The following CPSF3 variants were observed in gnomAD, a reference collection of about 807,000 sequenced individuals.
CPSF3 encodes the protein cleavage and polyadenylation specific factor 3.
CPSF3 carries 57 observed loss-of-function variants against 84.1 expected under a neutral mutation model. That is an observed-to-expected ratio of 0.68 (90% CI 0.55 to 0.85). The LOEUF (loss-of-function observed/expected upper bound fraction) is 0.85, where lower values mean the gene tolerates loss of function less well. CPSF3 is among the 40% of genes least tolerant of loss of function. CPSF3 has a pLI of 0.00. For missense variants in CPSF3, 522 were observed against 838.8 expected, an observed-to-expected ratio of 0.62 and a Z score of 4.66; for synonymous variants, 275 against 278.1, an observed-to-expected ratio of 0.99 and a Z score of 0.11.
At chr2:9,428,311 C>T (rs1431500428) in intron 1 of CPSF3, among the ~76,000 whole-genome samples, 2 of 152,064 alleles carry the variant, frequency 1.3e-5, no homozygotes, top group Admixed American at 6.6e-5. Context: ...AAATTTAAGC[C>T]ATTTGGCAAA....
chr2:9,462,837 C>G (rs1681777190), intron 15 of CPSF3, among the ~76,000 whole-genome samples: 1 of 152,188 alleles, frequency 6.6e-6, no homozygotes, highest in African/African-American at 2.4e-5. Flanking sequence ...TCATTGCAGA[C>G]AGGTTAGAAC....
intron 16 of CPSF3, among the ~76,000 whole-genome samples, chr2:9,470,137 T>C (rs1682112076): frequency 1.3e-5 from 2 of 152,160 alleles, no homozygotes; most frequent in Non-Finnish European, 2.9e-5. Context: ...GGAGGAGAAT[T>C]GCTTAAACCA....
intron 6 of CPSF3, among the ~76,000 whole-genome samples, chr2:9,435,021 A>AT (rs35500136): frequency 1.2e-4 from 19 of 152,330 alleles, no homozygotes; most frequent in Middle Eastern, 3.4e-3. Flanking sequence ...GGGAAGATTT[A>AT]TTTTTTGAAC....
intron 5 of CPSF3, 50 bp downstream of exon 5, chr2:9,432,738 T>C: frequency 7.2e-7 from 1 of 1,392,286 alleles, no homozygotes; most frequent in Non-Finnish European, 9.5e-7. Flanking sequence ...AGTACAGAGC[T>C]TTGTGCCACC....
chr2:9,436,425 G>A (rs1000281044), intron 7 of CPSF3, 64 bp downstream of exon 7: 35 of 1,503,862 alleles, frequency 2.3e-5, no homozygotes, highest in African/African-American at 2.1e-4. Context: ...AGATAATAAT[G>A]TGGTCTTGGA....
At chr2:9,459,455 G>T in intron 14 of CPSF3, 76 bp from the exon 15 acceptor site, 2 of 851,196 alleles carry the variant, frequency 2.3e-6, no homozygotes, top group East Asian at 2.4e-5. Flanking sequence ...TCCATGGTTT[G>T]GTGGGTTGTA....
intron 15 of CPSF3, among the ~76,000 whole-genome samples, chr2:9,462,672 C>A (rs1181959058): frequency 6.6e-6 from 1 of 152,206 alleles, no homozygotes; most frequent in Admixed American, 6.5e-5. Context: ...TTGATTATTT[C>A]TCTTAATGCT....
chr2:9,452,958 G>C lies in CPSF3; in HGVS notation c.1441G>C (p.Val481Leu), dbSNP rs1681387608. The C allele has an allele frequency of 6.2e-7, 1 of 1,611,668 alleles. No individual in the cohort carries two copies. The highest frequency in any genetic ancestry group is 1.1e-5 in the South Asian group (1 of 90,202). ...CAAAAAACCAGAACAAGGCCAGCGG[G>C]TCTCAGGAATACTTGTTAAAAGAAA... Reference protein sequence around the residue: ...ADKKPEQGQRVSGILVKRNFN... With the variant: ...ADKKPEQGQRLSGILVKRNFN... The change falls in exon 12 of 18, where the codon GTC becomes CTC. Residue 481 changes from valine (V) to leucine (L), a missense_variant. Physicochemically the swap from Val to Leu is conservative, Grantham distance 32 (BLOSUM62 1). Around this residue, in one of 2 missense-constraint regions of CPSF3, gnomAD observed 329 missense variants for 607.2 expected, o/e 0.54. Coordinates refer to ENST00000238112, the MANE Select transcript of CPSF3 (RefSeq NM_016207.4).
intron 15 of CPSF3, among the ~76,000 whole-genome samples, chr2:9,463,315 C>T (rs929626940): frequency 2.0e-5 from 3 of 152,162 alleles, no homozygotes; most frequent in Non-Finnish European, 4.4e-5. Context: ...GGAGGGCAAG[C>T]AAGAAAGCAG....
At chr2:9,431,540 C>CTTTTTTTT (rs1198118780) in intron 4 of CPSF3, among the ~76,000 whole-genome samples, 20 of 84,144 alleles carry the variant, frequency 2.4e-4, no homozygotes, top group Non-Finnish European at 3.9e-4. Context: ...TTTTTTTTTT[C>CTTTTTTTT]TTTTTTTTTT....
In CPSF3 at chr2:9,467,789, C is replaced by T; in HGVS notation, c.1856+13C>T. The T allele has an allele frequency of 1.3e-6, 2 of 1,598,004 alleles. No individual in the cohort carries two copies. Among genetic ancestry groups the T allele is most frequent in the Non-Finnish European group, 1.7e-6 (2 of 1,168,414 alleles). On this transcript the variant is annotated intron_variant, in intron 16 of 17. Coordinates refer to ENST00000238112, the MANE Select transcript of CPSF3 (RefSeq NM_016207.4). ...AGATCATGCTCCAGTAAGTTTTTCA[C>T]CCATTATTTCTCAACAAGACAGTGA...
chr2:9,469,645 C>T (rs1336185114), intron 16 of CPSF3, among the ~76,000 whole-genome samples: 2 of 152,132 alleles, frequency 1.3e-5, no homozygotes, highest in Non-Finnish European at 2.9e-5. Flanking sequence ...CGCCTCCCCT[C>T]CCTCTCCCTC....
At chr2:9,432,438 A>G in intron 4 of CPSF3, 73 bp from the exon 5 acceptor site, 1 of 1,056,524 alleles carries the variant, frequency 9.5e-7, no homozygotes, top group Non-Finnish European at 1.3e-6. Context: ...GTTATCCACA[A>G]TTTCTTTGTG....
Position 9,432,634 on chromosome 2 carries a change from T to C in CPSF3, c.465T>C (p.His155=). 3.8e-6 allele frequency: 6 copies of C among 1,580,998 alleles called. No individual in the cohort carries two copies. Among genetic ancestry groups the C allele is most frequent in the African/African-American group, 1.3e-5 (1 of 74,692 alleles). The change falls in exon 5 of 18, where the codon CAT becomes CAC. Residue 155 remains histidine, a synonymous_variant. Coordinates refer to ENST00000238112, the MANE Select transcript of CPSF3 (RefSeq NM_016207.4). The part of the protein sequence containing the change: ...EVAGIKFWCY[H]AGHVLGAAMF... ...CGGGAATCAAGTTTTGGTGTTACCA[T>C]GCAGGTCACGTCCTAGGAGCCGCCA...
chr2:9,451,058 G>A (rs1232299495), intron 11 of CPSF3, among the ~76,000 whole-genome samples: 1 of 152,076 alleles, frequency 6.6e-6, no homozygotes, highest in East Asian at 1.9e-4. Context: ...TCTGCTGGTG[G>A]TGGATATGTG....
At chr2:9,460,925 A>G (rs1344010789) in intron 15 of CPSF3, among the ~76,000 whole-genome samples, 2 of 152,096 alleles carry the variant, frequency 1.3e-5, no homozygotes, top group Non-Finnish European at 1.5e-5. Context: ...TACCCTTCAC[A>G]CACCATTAGA....
chr2:9,431,810 C>T (rs6432002), intron 4 of CPSF3, among the ~76,000 whole-genome samples: 84,309 of 151,352 alleles, frequency 0.56, 24,460 homozygotes, highest in Middle Eastern at 0.69. Context: ...CTTGGCCTCC[C>T]AGAGTGCTGG....
chr2:9,436,178 G>A (rs534272600), intron 6 of CPSF3, 33 bp from the exon 7 acceptor site: 1 of 1,518,542 alleles, frequency 6.6e-7, no homozygotes, highest in South Asian at 1.3e-5. Flanking sequence ...AGGATCATTG[G>A]TCTTAGTCTC....
chr2:9,456,862 TA>T, intron 13 of CPSF3, 70 bp from the exon 14 acceptor site: 1 of 909,502 alleles, frequency 1.1e-6, no homozygotes, highest in Non-Finnish European at 1.7e-6. Flanking sequence ...GCTGTCTCTA[TA>T]AACAAACGAA....
Sources: gnomAD v4.1 joint callset for allele counts (sites outside exome capture counted in the v4.1 genomes callset) on GRCh38, gnomAD v4.1.1 for gene constraint, gnomAD v4.1.1 regional missense constraint, MANE v1.5 for transcripts, NCBI Gene and HGNC (gene_info 2026-07-23, HGNC 2026-07-21) for gene names.